Variants in USH2A observed in about 807,000 individuals in gnomAD.
The protein encoded by USH2A is usherin.
USH2A carries 443 observed loss-of-function variants against 538.9 expected under a neutral mutation model. The observed-to-expected ratio is 0.82, with a 90% CI of 0.76 to 0.89. The LOEUF is 0.89. Ranked by LOEUF, USH2A falls within the 40% of genes least tolerant of loss-of-function variation. The pLI is 0.00. For missense variants in USH2A, 6,633 were observed against 6,324.8 expected (o/e 1.05, Z -1.65); for synonymous variants, 2,413 against 2,273.5 (o/e 1.06, Z -1.75).
At chr1:215,926,377 C>CGCTG (rs1254745421) in intron 38 of USH2A, among the ~76,000 whole-genome samples, 1 of 152,032 alleles carries the variant, frequency 6.6e-6, no homozygotes, top group Admixed American at 6.6e-5. Context: ...AAAATAAGTT[C>CGCTG]ACTGAGCAAG....
chr1:216,254,320 A>C (rs1146766), intron 11 of USH2A, among the ~76,000 whole-genome samples: 96,902 of 151,878 alleles, frequency 0.64, 31,224 homozygotes, highest in East Asian at 0.72. Context: ...TGTAGATTCT[A>C]CCTTTTTAAT....
intron 21 of USH2A, among the ~76,000 whole-genome samples, chr1:216,123,580 CT>C (rs11310661): frequency 0.35 from 52,911 of 151,768 alleles, 10,164 homozygotes; most frequent in East Asian, 0.73. Flanking sequence ...AAGCTTTTCC[CT>C]TTTTTTCGCA....
At chr1:215,755,624 T>C (rs1329204956) in intron 58 of USH2A, among the ~76,000 whole-genome samples, 1 of 152,204 alleles carries the variant, frequency 6.6e-6, no homozygotes, top group African/African-American at 2.4e-5. Context: ...TTATATTATA[T>C]GGTTTCTGAA....
chr1:216,096,957 G>T lies in USH2A; in HGVS notation c.4758+126C>A, dbSNP rs2032454513. The T allele has an allele frequency of 6.0e-6, 6 of 1,008,282 alleles. No homozygotes were observed. The South Asian group carries it at 8.0e-5, about 13-fold the overall frequency. 62.5% of individuals were successfully genotyped at this position (1,008,282 alleles called of 1,614,324 possible). ...TTCATTTTCTTGATTGGCAAAATGG[G>T]GATAATAATAGTACTTACCTTACAA... On this transcript the variant is annotated intron_variant, in intron 22 of 71. Transcript: ENST00000307340.
chr1:215,760,265 C>A (rs1660942164), intron 56 of USH2A, among the ~76,000 whole-genome samples: 1 of 152,182 alleles, frequency 6.6e-6, no homozygotes, highest in Non-Finnish European at 1.5e-5. Flanking sequence ...TGATGCTTCT[C>A]TTTTCCTCTC....
intron 9 of USH2A, among the ~76,000 whole-genome samples, chr1:216,302,530 A>G (rs1011963997): frequency 6.6e-6 from 1 of 152,132 alleles, no homozygotes; most frequent in Non-Finnish European, 1.5e-5. Flanking sequence ...TTACATAATT[A>G]AAGTGTTCAC....
chr1:216,346,091 C>T (rs1315542033), intron 4 of USH2A, among the ~76,000 whole-genome samples: 1 of 152,024 alleles, frequency 6.6e-6, no homozygotes, highest in Non-Finnish European at 1.5e-5. Context: ...ATTCTCTTCC[C>T]CTCAATGGTC....
chr1:216,002,243 G>T (rs1668281512), intron 32 of USH2A, among the ~76,000 whole-genome samples: 1 of 152,112 alleles, frequency 6.6e-6, no homozygotes, highest in African/African-American at 2.4e-5. Context: ...TTTATGCAAA[G>T]AAAAACTCCT....
intron 4 of USH2A, among the ~76,000 whole-genome samples, chr1:216,328,259 CT>C (rs2102659818): frequency 6.6e-6 from 1 of 152,214 alleles, no homozygotes; most frequent in East Asian, 1.9e-4. Flanking sequence ...CAGGGAAAAT[CT>C]TCTAAGAAAA....
intron 52 of USH2A, among the ~76,000 whole-genome samples, chr1:215,785,633 T>G (rs187673936): frequency 2.0e-5 from 3 of 152,276 alleles, no homozygotes; most frequent in African/African-American, 7.2e-5. Context: ...GTTGTGCACA[T>G]GTACCCTAGA....
intron 16 of USH2A, among the ~76,000 whole-genome samples, chr1:216,200,985 CT>C (rs2034979383): frequency 1.5e-5 from 1 of 66,184 alleles, no homozygotes; most frequent in Non-Finnish European, 2.9e-5. Context: ...CCATCCCTCC[CT>C]CCCTCCCTCC....
intron 3 of USH2A, among the ~76,000 whole-genome samples, chr1:216,397,932 C>T (rs1426923756): frequency 1.3e-5 from 2 of 152,210 alleles, no homozygotes; most frequent in African/African-American, 2.4e-5. Flanking sequence ...CATGCACCTC[C>T]TATTGGTTCT....
chr1:215,982,739 G>T (rs2102468154), intron 35 of USH2A, among the ~76,000 whole-genome samples: 1 of 152,260 alleles, frequency 6.6e-6, no homozygotes, highest in South Asian at 2.1e-4. Flanking sequence ...GAAGTTGTCA[G>T]AACAGTCATG....
At chr1:215,658,117 A>C (rs1657321916) in intron 64 of USH2A, among the ~76,000 whole-genome samples, 1 of 151,738 alleles carries the variant, frequency 6.6e-6, no homozygotes, top group Non-Finnish European at 1.5e-5. Flanking sequence ...TTGTATTTTT[A>C]GTAGAGACGG....
intron 3 of USH2A, among the ~76,000 whole-genome samples, chr1:216,389,985 A>G (rs2039076564): frequency 7.1e-6 from 1 of 140,842 alleles, no homozygotes; most frequent in Admixed American, 7.5e-5. Flanking sequence ...AGTAAAAGAG[A>G]AAAATAAAAA....
intron 3 of USH2A, among the ~76,000 whole-genome samples, chr1:216,395,729 A>T (rs1261359024): frequency 6.6e-6 from 1 of 152,188 alleles, no homozygotes; most frequent in East Asian, 1.9e-4. Flanking sequence ...GACAGGACGG[A>T]AGTAGGCAGA....
intron 61 of USH2A, among the ~76,000 whole-genome samples, chr1:215,688,191 T>A (rs889055996): frequency 3.1e-5 from 4 of 127,626 alleles, no homozygotes; most frequent in African/African-American, 1.2e-4. Context: ...GACAAAGTTT[T>A]GGGAGCAAGA....
At chr1:216,245,738 A>T (rs952804095) in intron 13 of USH2A, among the ~76,000 whole-genome samples, 4 of 152,170 alleles carry the variant, frequency 2.6e-5, no homozygotes, top group Non-Finnish European at 5.9e-5. Flanking sequence ...GCCAAAGGAA[A>T]AGCATGGCCC....
chr1:216,249,742 A>C lies in USH2A; in HGVS notation c.2167+1161T>G, dbSNP rs543397990. On this transcript the variant is annotated intron_variant, in intron 12 of 71. Transcript: ENST00000307340. The stretch of plus-strand genomic sequence containing the variant: ...TAAATTGAAACGCTTGTCTAGCTGA[A>C]TTGTGTAGCATGATGTACACTTACA... 2.0e-5 allele frequency among the ~76,000 whole-genome samples: 3 copies of C among 152,298 alleles called. No homozygotes were observed. In the South Asian group the frequency reaches 6.2e-4, roughly 32 times the overall value.
Sources: gnomAD v4.1 joint callset for allele counts (sites outside exome capture counted in the v4.1 genomes callset) on GRCh38, gnomAD v4.1.1 for gene constraint, MANE v1.5 for transcripts, NCBI Gene and HGNC (gene_info 2026-07-23, HGNC 2026-07-21) for gene names.